The following SPTA1 variants were observed in gnomAD, a reference collection of about 807,000 sequenced individuals.
SPTA1 encodes the protein spectrin alpha chain, erythrocytic 1.
A neutral mutation model predicts 324.7 loss-of-function variants in SPTA1; 177 were observed. The observed-to-expected ratio is 0.55, with a 90% CI of 0.48 to 0.62. SPTA1 has a LOEUF of 0.62. Among genes scored for constraint, SPTA1 ranks in the 20% least tolerant of loss-of-function variants. The pLI is 0.00. For synonymous variants in SPTA1, 1,195 were observed against 1,041.3 expected, an observed-to-expected ratio of 1.15 and a Z score of -2.84; for missense variants, 3,162 against 2,883.6, an observed-to-expected ratio of 1.10 and a Z score of -2.21.
At chr1:158,685,024 A>G (rs1655064458) in intron 2 of SPTA1, 84 bp downstream of exon 2, 1 of 1,537,140 alleles carries the variant, frequency 6.5e-7, no homozygotes, top group Admixed American at 1.7e-5. Context: ...ACACATACCC[A>G]TTAACATTAA....
At chr1:158,612,140 T>G (rs1649293619) in intron 51 of SPTA1, 1 of 155,306 alleles carries the variant, frequency 6.4e-6, no homozygotes, top group African/African-American at 2.4e-5. Flanking sequence ...TACTATCTTC[T>G]TACCTTATGC....
intron 46 of SPTA1, 97 bp from the exon 47 acceptor site, chr1:158,617,685 A>G (rs1334219303): frequency 1.6e-6 from 2 of 1,237,472 alleles, no homozygotes; most frequent in Non-Finnish European, 2.4e-6. Flanking sequence ...CAACTTCTCC[A>G]AGGTTATGTG....
intron 32 of SPTA1, 112 bp downstream of exon 32, chr1:158,642,702 G>C (rs918984680): frequency 6.3e-7 from 1 of 1,584,282 alleles, no homozygotes; most frequent in Non-Finnish European, 8.7e-7. Flanking sequence ...GTCTCTGAGA[G>C]CAGGCATGGT....
chr1:158,656,885 G>T (rs1019125598), intron 19 of SPTA1, among the ~76,000 whole-genome samples: 13 of 152,160 alleles, frequency 8.5e-5, no homozygotes, highest in Non-Finnish European at 1.8e-4. Context: ...ACTTGCAAAA[G>T]TATTTTTATC....
intron 46 of SPTA1, 71 bp from the exon 47 acceptor site, chr1:158,617,659 C>T (rs750026700): frequency 2.1e-6 from 3 of 1,403,026 alleles, no homozygotes; most frequent in South Asian, 2.3e-5. Context: ...CATACCAACT[C>T]GAAGCTCCTC....
chr1:158,657,887 G>C (rs1461140629), intron 18 of SPTA1, among the ~76,000 whole-genome samples, 193 bp from the exon 19 acceptor site: 1 of 152,214 alleles, frequency 6.6e-6, no homozygotes, highest in African/African-American at 2.4e-5. Flanking sequence ...GTACTAATGG[G>C]AGATATGCAT....
chr1:158,634,696 C>T, intron 38 of SPTA1, 21 bp from the exon 39 acceptor site: 2 of 1,613,788 alleles, frequency 1.2e-6, no homozygotes, highest in East Asian at 4.5e-5. Context: ...GTGGCAAGCC[C>T]CAGTGAGGAT....
Position 158,635,966 on chromosome 1 carries a change from C to T in SPTA1, c.5379G>A (p.Arg1793=). The change falls in exon 38 of 52, where the codon CGG becomes CGA. Residue 1793 remains arginine (R), a synonymous_variant. Coordinates refer to ENST00000643759, the MANE Select transcript of SPTA1 (RefSeq NM_003126.4). ...CCCAGTGTTCAACAAACTGAGCCAGCCGCAACTGGATCTCCTCTTGCCCCA... is the reference window on the plus strand; with the variant it reads ...CCCAGTGTTCAACAAACTGAGCCAGTCGCAACTGGATCTCCTCTTGCCCCA... ...AAVGQEEIQL[R]LAQFVEHWEK... is the part of the protein sequence containing the mutation. The T allele has an allele frequency of 6.2e-7, 1 of 1,614,162 alleles. No homozygotes were observed. The highest frequency in any genetic ancestry group is 8.5e-7 in the Non-Finnish European group (1 of 1,180,016).
At chr1:158,630,949 A>G (rs1030817218) in intron 39 of SPTA1, among the ~76,000 whole-genome samples, 1 of 152,090 alleles carries the variant, frequency 6.6e-6, no homozygotes. Context: ...TCCTGAAAGA[A>G]TGGCCATATT....
At chr1:158,676,486 A>G (rs1281904348) in intron 7 of SPTA1, among the ~76,000 whole-genome samples, 191 bp from the exon 8 acceptor site, 2 of 152,196 alleles carry the variant, frequency 1.3e-5, no homozygotes, top group African/African-American at 4.8e-5. Context: ...TCAGTCTCTC[A>G]TTATGCTAAG....
intron 43 of SPTA1, among the ~76,000 whole-genome samples, chr1:158,622,009 T>A (rs1435834414): frequency 1.3e-5 from 2 of 151,994 alleles, no homozygotes; most frequent in Non-Finnish European, 2.9e-5. Context: ...GGACTACAGG[T>A]GCCCGCCACC....
chr1:158,658,796 A>C (rs1345591892), intron 18 of SPTA1, among the ~76,000 whole-genome samples: 1 of 152,160 alleles, frequency 6.6e-6, no homozygotes, highest in African/African-American at 2.4e-5. Context: ...TCATGATGAC[A>C]GCAGACTTCT....
rs1354777824 is a variant in SPTA1 at position 158,674,668 on chromosome 1, G to T, written c.1120C>A (p.Arg374=). The stretch of plus-strand genomic sequence containing the variant: ...AGTTCATCAAAGTCAGATGAAAATC[G>T]ATGGTACCTGTGGGAAAAGTGAGGT... ...EKLQATYWYH[R]FSSDFDELSG... Residue 374 remains arginine (R), a synonymous_variant, in exon 9 of 52, where the codon CGA becomes AGA. Transcript: ENST00000643759. 3 of 1,613,600 alleles carry T rather than the reference G, an allele frequency of 1.9e-6. No homozygotes were observed. Among genetic ancestry groups the T allele is most frequent in the Middle Eastern group, 1.6e-4 (1 of 6,074 alleles).
rs886045388 is a variant in SPTA1 at position 158,666,512 on chromosome 1, A to G, written c.2039-15T>C. 4.4e-6 allele frequency: 7 copies of G among 1,603,742 alleles called. No homozygotes were observed. In the Admixed American group the frequency reaches 5.0e-5, roughly 11 times the overall value. On this transcript the variant is annotated splice_polypyrimidine_tract_variant and intron_variant, in intron 15 of 51. Coordinates refer to ENST00000643759, the MANE Select transcript of SPTA1 (RefSeq NM_003126.4). ...CAACTGGGTCCCTGGGAGAAGACATAAGGTAGAAGACATTAGGTACCATAA... is the reference window on the plus strand; with the variant it reads ...CAACTGGGTCCCTGGGAGAAGACATGAGGTAGAAGACATTAGGTACCATAA...
rs572009824 is a variant in SPTA1, at chr1:158,636,730, A to G, written c.5221T>C (p.Tyr1741His). 1.2e-6 allele frequency: 2 copies of G among 1,614,110 alleles called. No individual in the cohort carries two copies. The highest frequency in any genetic ancestry group is 2.2e-5 in the East Asian group (1 of 44,880). ...EKLIRVSSQDYGRDLQGVQNL... is the reference protein window; with the variant it reads ...EKLIRVSSQDHGRDLQGVQNL... ...TGAACCCCCTGAAGATCTCTCCCAT[A>G]GTCCTGGGAGCTCACTCGTATCAAC... The change falls in exon 37 of 52, where the codon TAT (tyrosine) becomes CAT (histidine). Residue 1741 changes from tyrosine to histidine, a missense_variant. Coordinates refer to ENST00000643759, the MANE Select transcript of SPTA1 (RefSeq NM_003126.4).
chr1:158,661,447 T>G, intron 17 of SPTA1, 38 bp from the exon 18 acceptor site: 1 of 1,613,370 alleles, frequency 6.2e-7, no homozygotes, highest in African/African-American at 1.3e-5. Flanking sequence ...CGGATTATCC[T>G]GGTGTATGGA....
intron 43 of SPTA1, among the ~76,000 whole-genome samples, chr1:158,621,385 G>A (rs539848442): frequency 6.6e-4 from 101 of 152,208 alleles, no homozygotes; most frequent in African/African-American, 2.2e-3. Flanking sequence ...GTATTAAACC[G>A]TTACATCTGA....
intron 35 of SPTA1, 78 bp downstream of exon 35, chr1:158,639,504 G>A: frequency 6.9e-7 from 1 of 1,439,536 alleles, no homozygotes; most frequent in Non-Finnish European, 9.8e-7. Context: ...GTTTTCAAAT[G>A]GTCTCCTAAC....
At position 158,648,500 on chromosome 1, in the gene SPTA1, T is replaced by C; in HGVS notation, c.3714+9A>G. On this transcript the variant is annotated intron_variant, in intron 26 of 51. Transcript: ENST00000643759. ...AAGTGTTGGAAAAGCTTTGAAGGAC[T>C]TGTCTCACCTTATCTCCCAGGGGTA... 1 of 1,613,792 alleles carries C rather than the reference T, an allele frequency of 6.2e-7. No individual in the cohort carries two copies. Among genetic ancestry groups the C allele is most frequent in the Non-Finnish European group, 8.5e-7 (1 of 1,179,812 alleles).
Sources: allele counts gnomAD v4.1 joint callset (sites outside exome capture counted in the v4.1 genomes callset), GRCh38; gene constraint gnomAD v4.1.1; transcripts MANE v1.5; gene names NCBI Gene and HGNC (gene_info 2026-07-23, HGNC 2026-07-21).